Variants in ADARB2 observed in about 807,000 individuals in gnomAD.
The protein encoded by ADARB2 is inactive double-stranded RNA-specific editase B2.
In ADARB2, 25 loss-of-function variants were observed where a neutral mutation model predicts 62.2. The observed-to-expected ratio is 0.40, with a 90% confidence interval of 0.29 to 0.56. The LOEUF is 0.56. ADARB2 is among the 20% of genes least tolerant of loss of function. ADARB2 has a pLI of 0.43. For missense variants in ADARB2, 1,071 were observed against 1,077.4 expected (o/e 0.99, Z 0.08); for synonymous variants, 572 against 500.8 (o/e 1.14, Z -1.90).
intron 1 of ADARB2, among the ~76,000 whole-genome samples, chr10:1,538,691 T>C (rs891399512): frequency 2.0e-5 from 3 of 152,208 alleles, no homozygotes; most frequent in African/African-American, 7.2e-5. Context: ...AGGCCAGGCA[T>C]GCCGAGGGGC....
chr10:1,565,541 C>T (rs12264582), intron 1 of ADARB2, among the ~76,000 whole-genome samples: 30,519 of 152,048 alleles, frequency 0.2, 3,298 homozygotes, highest in Non-Finnish European at 0.23. Context: ...AGGGGCCAAT[C>T]TCTTGGGGGC....
intron 3 of ADARB2, among the ~76,000 whole-genome samples, chr10:1,283,540 T>C (rs1183921525): frequency 6.6e-6 from 1 of 152,168 alleles, no homozygotes; most frequent in Non-Finnish European, 1.5e-5. Flanking sequence ...CTCCATGTGG[T>C]TCATCAGAGG....
chr10:1,379,217 T>A, intron 1 of ADARB2, 57 bp from the exon 2 acceptor site: 1 of 1,403,128 alleles, frequency 7.1e-7, no homozygotes, highest in Non-Finnish European at 1.0e-6. Context: ...AAAAACTCAA[T>A]GCTTTTATAA....
intron 1 of ADARB2, among the ~76,000 whole-genome samples, chr10:1,727,777 T>C (rs1028312212): frequency 1.3e-5 from 2 of 152,150 alleles, no homozygotes; most frequent in Non-Finnish European, 2.9e-5. Flanking sequence ...CCATAAACAA[T>C]AGAAGCTCAG....
At chr10:1,230,041 G>A (rs1830789417) in intron 6 of ADARB2, among the ~76,000 whole-genome samples, 1 of 152,096 alleles carries the variant, frequency 6.6e-6, no homozygotes, top group Non-Finnish European at 1.5e-5. Flanking sequence ...GACATGGCAG[G>A]TCCAGAAGGG....
chr10:1,408,813 T>C (rs895609155), intron 1 of ADARB2, among the ~76,000 whole-genome samples: 1 of 152,164 alleles, frequency 6.6e-6, no homozygotes, highest in African/African-American at 2.4e-5. Flanking sequence ...TAGCTGGGAA[T>C]TGTGTCTGCA....
intron 1 of ADARB2, among the ~76,000 whole-genome samples, chr10:1,602,050 G>T (rs1050392571): frequency 6.6e-6 from 1 of 152,166 alleles, no homozygotes; most frequent in African/African-American, 2.4e-5. Context: ...GTGCGTGTTG[G>T]GTGCTGTGTG....
rs71379148 is a variant in ADARB2, at chr10:1,568,800, CTCTATCTATCTATCTA to C, written c.100+168235_100+168250del. 5.2e-3 allele frequency among the ~76,000 whole-genome samples: 779 copies of C among 148,570 alleles called. 5 individuals carry two copies. The highest frequency in any genetic ancestry group is 0.013 in the African/African-American group (515 of 40,146). Reference sequence around the variant, plus strand: ...TGTGCATATATCTATATGTCTCTATCTCTATCTATCTATCTATCTATCTATCTATCTATCTATCTAT... The same window carrying C: ...TGTGCATATATCTATATGTCTCTATCTCTATCTATCTATCTATCTATCTAT... On this transcript the variant is annotated intron_variant, in intron 1 of 9. Coordinates refer to ENST00000381312, the MANE Select transcript of ADARB2 (RefSeq NM_018702.4).
intron 1 of ADARB2, among the ~76,000 whole-genome samples, chr10:1,462,314 AAG>A (rs1270894488): frequency 5.3e-5 from 8 of 152,216 alleles, no homozygotes; most frequent in African/African-American, 1.9e-4. Context: ...CCTTTAGTGA[AAG>A]AGAGCTTCAA....
intron 3 of ADARB2, among the ~76,000 whole-genome samples, chr10:1,335,170 C>T (rs985958010): frequency 1.4e-5 from 2 of 146,622 alleles, no homozygotes; most frequent in Non-Finnish European, 3.0e-5. Flanking sequence ...GCGCCTGGGG[C>T]AGATAGTACT....
chr10:1,282,768 G>A (rs1831381362), intron 3 of ADARB2, among the ~76,000 whole-genome samples: 1 of 152,184 alleles, frequency 6.6e-6, no homozygotes. Context: ...ATGCTCATGG[G>A]CCTGCAAGGG....
At chr10:1,675,283 G>T (rs1383310693) in intron 1 of ADARB2, 1 of 975,462 alleles carries the variant, frequency 1.0e-6, no homozygotes, top group African/African-American at 1.8e-5. Context: ...TGGGTTCAGG[G>T]ATGCATGGAT....
At chr10:1,448,546 C>G (rs1223976962) in intron 1 of ADARB2, among the ~76,000 whole-genome samples, 1 of 152,218 alleles carries the variant, frequency 6.6e-6, no homozygotes, top group Non-Finnish European at 1.5e-5. Flanking sequence ...CCATGCTTCT[C>G]TCAGGTGCTT....
intron 3 of ADARB2, among the ~76,000 whole-genome samples, chr10:1,334,281 C>A (rs563693510): frequency 1.3e-5 from 2 of 152,312 alleles, no homozygotes. Flanking sequence ...CAGGCCGCGG[C>A]TTTTGGTCGA....
intron 6 of ADARB2, among the ~76,000 whole-genome samples, chr10:1,232,780 ATG>A (rs1205357741): frequency 2.1e-5 from 3 of 145,840 alleles, no homozygotes; most frequent in Non-Finnish European, 3.0e-5. Context: ...TATATATGGT[ATG>A]TGTGTGGTGT....
Position 1,622,743 on chromosome 10 carries a change from CAGCT to C in ADARB2, c.100+114304_100+114307del, listed in dbSNP as rs1332793767. On this transcript the variant is annotated intron_variant, in intron 1 of 9. Transcript: ENST00000381312. ...TGGCTGCTCAGCATTTAGAATGCAACAGCTACTTTGGAAAATTGTTTGTTTGTTT... is the reference window on the plus strand; with the variant it reads ...TGGCTGCTCAGCATTTAGAATGCAACACTTTGGAAAATTGTTTGTTTGTTT... Among the ~76,000 whole-genome samples the C allele has an allele frequency of 5.9e-5, 9 of 152,270 alleles. No homozygotes were observed. The East Asian group carries it at 1.5e-3, about 26-fold the overall frequency.
intron 1 of ADARB2, among the ~76,000 whole-genome samples, chr10:1,690,500 T>G (rs922907274): frequency 6.6e-6 from 1 of 152,188 alleles, no homozygotes; most frequent in East Asian, 1.9e-4. Context: ...AATGATGCAG[T>G]GACAGGCATC....
intron 1 of ADARB2, among the ~76,000 whole-genome samples, chr10:1,482,477 T>A (rs1422190610): frequency 6.6e-6 from 1 of 152,098 alleles, no homozygotes; most frequent in Non-Finnish European, 1.5e-5. Context: ...CTGAGAGTTG[T>A]CAAATTCGTA....
At position 1,531,847 on chromosome 10, in the gene ADARB2, A is replaced by G. The variant is rs745761865; in HGVS notation, c.101-152687T>C. Among the ~76,000 whole-genome samples the G allele has an allele frequency of 3.1e-4, 40 of 128,850 alleles. No homozygotes were observed. In the East Asian group the frequency reaches 8.7e-3, roughly 28 times the overall value. The allele number at this position is 128,850 out of a possible 152,430, so 84.5% of individuals were successfully genotyped here. A position where few individuals can be genotyped will look rare whatever the true frequency, so the allele number is the denominator to read the frequency against. On this transcript the variant is annotated intron_variant, in intron 1 of 9. Coordinates refer to ENST00000381312, the MANE Select transcript of ADARB2 (RefSeq NM_018702.4). ...GCGAGACTTCATCTCAAAAAAAAAG[A>G]AAAAAAAAATAGTGCCCTAGAATTC...
Sources: allele counts gnomAD v4.1 joint callset (sites outside exome capture counted in the v4.1 genomes callset), GRCh38; gene constraint gnomAD v4.1.1; transcripts MANE v1.5; gene names NCBI Gene and HGNC (gene_info 2026-07-23, HGNC 2026-07-21).